The following EDAR variants were observed in gnomAD, a reference collection of about 807,000 sequenced individuals.
EDAR encodes tumor necrosis factor receptor superfamily member EDAR.
A neutral mutation model predicts 51.3 loss-of-function variants in EDAR; 38 were observed. The ratio of observed to expected loss-of-function variants is 0.74; its 90% CI spans 0.57 to 0.97. The LOEUF is 0.97. Ranked by LOEUF, EDAR falls within the 50% of genes least tolerant of loss-of-function variation. EDAR has a pLI of 0.00. For missense variants in EDAR, 528 were observed against 595.0 expected, an observed-to-expected ratio of 0.89 and a Z score of 1.17; for synonymous variants, 227 against 242.1, an observed-to-expected ratio of 0.94 and a Z score of 0.58.
At chr2:108,949,672 C>T (rs1697786342) in intron 1 of EDAR, among the ~76,000 whole-genome samples, 1 of 152,138 alleles carries the variant, frequency 6.6e-6, no homozygotes, top group Non-Finnish European at 1.5e-5. Flanking sequence ...TTTGGGGCTG[C>T]AGGAACTAAT....
intron 4 of EDAR, among the ~76,000 whole-genome samples, chr2:108,926,392 GGACT>G (rs1471118973): frequency 1.3e-5 from 2 of 152,188 alleles, no homozygotes; most frequent in Non-Finnish European, 2.9e-5. Flanking sequence ...TGTTGTTTAA[GGACT>G]GACTTTCTCT....
intron 11 of EDAR, among the ~76,000 whole-genome samples, chr2:108,905,666 C>G (rs1696787952): frequency 6.6e-6 from 1 of 152,148 alleles, no homozygotes; most frequent in Non-Finnish European, 1.5e-5. Context: ...AACCCCTGAC[C>G]TCAGCCATGA....
chr2:108,956,913 C>T (rs1313291575), intron 1 of EDAR, among the ~76,000 whole-genome samples: 2 of 152,080 alleles, frequency 1.3e-5, no homozygotes, highest in African/African-American at 4.8e-5. Context: ...CTCAGCCTCC[C>T]GAGTAGCTGG....
rs1696557644 is a variant in EDAR at position 108,895,139 on chromosome 2, ACAG to A, written c.*1765_*1767del. 6.6e-6 allele frequency: 1 copy of A among 152,620 alleles called. No individual in the cohort carries two copies. Among genetic ancestry groups the A allele is most frequent in the African/African-American group, 2.4e-5 (1 of 41,428 alleles). 9.5% of individuals were successfully genotyped at this position (152,620 alleles called of 1,614,324 possible). A position where few individuals can be genotyped will look rare whatever the true frequency, so the allele number is the denominator to read the frequency against. On this transcript the variant is annotated 3_prime_UTR_variant, in exon 12 of 12. Coordinates refer to ENST00000258443, the MANE Select transcript of EDAR (RefSeq NM_022336.4). ...AGGGTAAACCAAATAGGTTCGAAAA[ACAG>A]CAGCAAACAGACACAGTAAATGATG...
intron 1 of EDAR, among the ~76,000 whole-genome samples, chr2:108,945,624 C>T (rs1320041751): frequency 6.6e-6 from 1 of 152,138 alleles, no homozygotes; most frequent in African/African-American, 2.4e-5. Context: ...AAAAATGCAG[C>T]TAACTTTCTA....
At chr2:108,930,006 G>T in intron 3 of EDAR, 114 bp downstream of exon 3, 2 of 1,342,966 alleles carry the variant, frequency 1.5e-6, no homozygotes, top group Non-Finnish European at 2.0e-6. Context: ...TGACCGGCTG[G>T]TTTGATATAC....
intron 1 of EDAR, among the ~76,000 whole-genome samples, chr2:108,932,110 C>T (rs979753114): frequency 2.0e-5 from 3 of 152,180 alleles, no homozygotes; most frequent in Admixed American, 6.5e-5. Flanking sequence ...AACACCGTGA[C>T]GAACATATGC....
rs1256761586 is a variant in EDAR at position 108,923,292 on chromosome 2, C to CT, written c.442+75dup. 1.2e-5 allele frequency: 17 copies of CT among 1,450,544 alleles called. No homozygotes were observed. In the Admixed American group the frequency reaches 2.3e-4, roughly 20 times the overall value. The allele number at this position is 1,450,544 out of a possible 1,614,324, so 89.9% of individuals were successfully genotyped here. On this transcript the variant is annotated intron_variant, in intron 5 of 11. Transcript: ENST00000258443. ...CCTTGTCCAGGTGCCAGGACCGGCTCTTTCCTACACCCTCTGTAGTGAAAG... is the reference window on the plus strand; with the variant it reads ...CCTTGTCCAGGTGCCAGGACCGGCTCTTTTCCTACACCCTCTGTAGTGAAAG...
At chr2:108,985,015 T>C (rs1489415738) in intron 1 of EDAR, among the ~76,000 whole-genome samples, 1 of 152,242 alleles carries the variant, frequency 6.6e-6, no homozygotes, top group Non-Finnish European at 1.5e-5. Flanking sequence ...AAACAGTGCA[T>C]GCCCTCTCAT....
intron 5 of EDAR, among the ~76,000 whole-genome samples, chr2:108,920,377 C>T (rs961026269): frequency 2.0e-5 from 3 of 152,214 alleles, no homozygotes; most frequent in African/African-American, 7.2e-5. Flanking sequence ...GGCAGGGCAA[C>T]GGGTTGACCT....
At chr2:108,937,675 TAA>T (rs34312904) in intron 1 of EDAR, among the ~76,000 whole-genome samples, 2,236 of 152,044 alleles carry the variant, frequency 0.015, 25 homozygotes, top group South Asian at 0.03. Flanking sequence ...TGTGTGAGTA[TAA>T]GTGTATGTGA....
At chr2:108,898,886 CAG>C (rs998897223) in intron 11 of EDAR, among the ~76,000 whole-genome samples, 3 of 152,092 alleles carry the variant, frequency 2.0e-5, no homozygotes, top group African/African-American at 7.2e-5. Flanking sequence ...ATTACTCAAT[CAG>C]AGAAAATAAA....
chr2:108,981,239 T>C (rs1202164904), intron 1 of EDAR, among the ~76,000 whole-genome samples: 1 of 152,288 alleles, frequency 6.6e-6, no homozygotes, highest in Middle Eastern at 3.4e-3. Context: ...TCTGGGCCTG[T>C]GTCCACCTGA....
At chr2:108,942,972 G>A (rs970509143) in intron 1 of EDAR, among the ~76,000 whole-genome samples, 3 of 152,200 alleles carry the variant, frequency 2.0e-5, no homozygotes, top group African/African-American at 4.8e-5. Flanking sequence ...CTTCGCTGAC[G>A]TGCAGGTAAC....
chr2:108,917,899 G>A (rs1013097470), intron 5 of EDAR, among the ~76,000 whole-genome samples: 1 of 152,156 alleles, frequency 6.6e-6, no homozygotes, highest in Non-Finnish European at 1.5e-5. Context: ...TCAGCCCTGG[G>A]TGGGTCTGCT....
intron 1 of EDAR, among the ~76,000 whole-genome samples, chr2:108,935,852 C>A (rs1697457903): frequency 6.6e-6 from 1 of 152,200 alleles, no homozygotes; most frequent in South Asian, 2.1e-4. Flanking sequence ...TCATTATATA[C>A]AAGTTTGGCC....
intron 1 of EDAR, among the ~76,000 whole-genome samples, chr2:108,960,715 A>T (rs1023584942): frequency 2.0e-5 from 3 of 152,262 alleles, no homozygotes. Context: ...TACCATATGG[A>T]AACATTATTG....
intron 1 of EDAR, among the ~76,000 whole-genome samples, chr2:108,936,336 C>T (rs1697468009): frequency 6.6e-6 from 1 of 152,262 alleles, no homozygotes; most frequent in Non-Finnish European, 1.5e-5. Flanking sequence ...CAGGGCTTGC[C>T]ACGCCTGGGT....
At chr2:108,958,524 C>A (rs956044575) in intron 1 of EDAR, among the ~76,000 whole-genome samples, 17 of 152,090 alleles carry the variant, frequency 1.1e-4, no homozygotes, top group Admixed American at 3.3e-4. Flanking sequence ...AACAGGGGGG[C>A]ATGGCAAGAC....
Sources: allele counts gnomAD v4.1 joint callset (sites outside exome capture counted in the v4.1 genomes callset), GRCh38; gene constraint gnomAD v4.1.1; transcripts MANE v1.5; gene names NCBI Gene and HGNC (gene_info 2026-07-23, HGNC 2026-07-21).